Variants in AGAP1 observed in about 807,000 individuals in gnomAD.
AGAP1 encodes arf-GAP with GTPase, ANK repeat and PH domain-containing protein 1.
A neutral mutation model predicts 105.3 loss-of-function variants in AGAP1; 29 were observed. The observed-to-expected ratio is 0.28, with a 90% confidence interval of 0.21 to 0.38. The LOEUF is 0.38. Among genes scored for constraint, AGAP1 ranks in the 10% least tolerant of loss-of-function variants. AGAP1 has a pLI of 1.00. For synonymous variants in AGAP1, 509 were observed against 485.9 expected (o/e 1.05, Z -0.63); for missense variants, 998 against 1,165.1 (o/e 0.86, Z 2.09).
chr2:235,738,849 C>T lies in AGAP1; in HGVS notation c.311-2114C>T, dbSNP rs565241677. On this transcript the variant is annotated intron_variant, in intron 3 of 17. Coordinates refer to ENST00000304032, the MANE Select transcript of AGAP1 (RefSeq NM_001037131.3). ...TTGGGATTACAGGTGTGAGCCACCG[C>T]GCCCAGCCTTAAATGTTATTTTTCT... 1.7e-3 allele frequency among the ~76,000 whole-genome samples: 260 copies of T among 152,180 alleles called. 2 individuals are homozygous for T. The highest frequency in any genetic ancestry group is 4.8e-3 in the African/African-American group (201 of 41,526).
rs543148534 is a variant in AGAP1 at position 235,586,681 on chromosome 2, G to A, written c.163+91832G>A. 8.5e-5 allele frequency among the ~76,000 whole-genome samples: 13 copies of A among 152,316 alleles called. No homozygotes were observed. Among genetic ancestry groups the A allele is most frequent in the African/African-American group, 2.2e-4 (9 of 41,572 alleles). On this transcript the variant is annotated intron_variant, in intron 1 of 17. Coordinates refer to ENST00000304032, the MANE Select transcript of AGAP1 (RefSeq NM_001037131.3). This position sits in a 1 kb window ranked among gnomAD's most constrained non-coding sequence, Gnocchi z 4.2. Reference sequence around the variant, plus strand: ...TGGGTTGTCAGAGTGAGACTGTGCAGGACTGCCCCGTACAGTACGGCTTCT... The same window carrying A: ...TGGGTTGTCAGAGTGAGACTGTGCAAGACTGCCCCGTACAGTACGGCTTCT...
intron 9 of AGAP1, among the ~76,000 whole-genome samples, chr2:235,870,424 C>G (rs2049380433): frequency 1.3e-5 from 2 of 152,150 alleles, no homozygotes; most frequent in South Asian, 4.1e-4. Context: ...GTCAGGAGTT[C>G]AAGACCAGCC....
intron 9 of AGAP1, among the ~76,000 whole-genome samples, chr2:235,840,825 C>T (rs1029527494): frequency 6.7e-5 from 10 of 149,856 alleles, no homozygotes; most frequent in African/African-American, 9.8e-5. Context: ...ATTTGGGAAT[C>T]ATACAGAAAT....
Position 235,719,843 on chromosome 2 carries a change from A to T in AGAP1, c.310+2199A>T, listed in dbSNP as rs569249999. On this transcript the variant is annotated intron_variant, in intron 3 of 17. Coordinates refer to ENST00000304032, the MANE Select transcript of AGAP1 (RefSeq NM_001037131.3). The surrounding 1 kb of genome is among the most constrained non-coding windows in gnomAD (Gnocchi z 4.9). ...CTGACAGCAGCAGACACCCAGGTGC[A>T]CCCCAGTGGGTGTGTGTCTAGGGCC... Among the ~76,000 whole-genome samples the T allele has an allele frequency of 6.6e-6, 1 of 152,148 alleles. No homozygotes were observed. The highest frequency in any genetic ancestry group is 2.4e-5 in the African/African-American group (1 of 41,440).
In AGAP1 at chr2:235,960,229, G is replaced by A. The variant is rs2054124514; in HGVS notation, c.1484-8233G>A. On this transcript the variant is annotated intron_variant, in intron 12 of 17. Transcript: ENST00000304032. This position sits in a 1 kb window ranked among gnomAD's most constrained non-coding sequence, Gnocchi z 4.9. ...GGTGCTTTGCACACGTCAGTTACTC[G>A]AGTCATAGCCTCCTGAGGACGACTG... Among the ~76,000 whole-genome samples, 1 of 152,160 alleles carries A rather than the reference G, an allele frequency of 6.6e-6. No individual in the cohort carries two copies. Among genetic ancestry groups the A allele is most frequent in the African/African-American group, 2.4e-5 (1 of 41,436 alleles).
In AGAP1 at chr2:235,734,752, C is replaced by T. The variant is rs992103956; in HGVS notation, c.311-6211C>T. ...TGTTGGCCCTGTGGATGCTGCAAAA[C>T]GCAGCAAACACGGAGGCTGCCGGCT... is the stretch of plus-strand genomic sequence containing the variant. On this transcript the variant is annotated intron_variant, in intron 3 of 17. Transcript: ENST00000304032. The surrounding 1 kb of genome is among the most constrained non-coding windows in gnomAD (Gnocchi z 5.3). Among the ~76,000 whole-genome samples the T allele has an allele frequency of 4.6e-5, 7 of 152,308 alleles. No homozygotes were observed. Among genetic ancestry groups the T allele is most frequent in the Middle Eastern group, 3.4e-3 (1 of 294 alleles).
intron 16 of AGAP1, among the ~76,000 whole-genome samples, chr2:236,112,205 C>T (rs551850498): frequency 6.6e-5 from 10 of 152,258 alleles, no homozygotes; most frequent in African/African-American, 2.4e-4. Flanking sequence ...CACCTGAGGT[C>T]CATAGTTTGA....
At chr2:236,100,771 A>C (rs1328556982) in intron 16 of AGAP1, among the ~76,000 whole-genome samples, 1 of 151,858 alleles carries the variant, frequency 6.6e-6, no homozygotes, top group African/African-American at 2.4e-5. Context: ...CGGAGGCTGC[A>C]GTGAGCCGAG....
intron 13 of AGAP1, among the ~76,000 whole-genome samples, chr2:236,032,911 G>T (rs981995976): frequency 6.6e-6 from 1 of 152,210 alleles, no homozygotes; most frequent in Non-Finnish European, 1.5e-5. Context: ...ACTTTCTTCT[G>T]TCCAGTATAC....
chr2:235,886,151 G>A (rs942300664), intron 10 of AGAP1, among the ~76,000 whole-genome samples: 7 of 152,178 alleles, frequency 4.6e-5, no homozygotes, highest in Non-Finnish European at 8.8e-5. Flanking sequence ...AGCAGTGGCC[G>A]GGCTGCCCTG....
chr2:235,860,466 C>T (rs952766233), intron 9 of AGAP1, among the ~76,000 whole-genome samples: 1 of 152,130 alleles, frequency 6.6e-6, no homozygotes, highest in Non-Finnish European at 1.5e-5. Context: ...CTTCCAGTCT[C>T]ACATCACAGA....
chr2:235,530,897 G>C (rs1347505899), intron 1 of AGAP1, among the ~76,000 whole-genome samples: 1 of 152,134 alleles, frequency 6.6e-6, no homozygotes, highest in Non-Finnish European at 1.5e-5. Context: ...TCTCCTGAGG[G>C]CTGACTCTTC....
In AGAP1 at chr2:236,114,522, C is replaced by T. The variant is rs891837657; in HGVS notation, c.2115-5670C>T. Among the ~76,000 whole-genome samples, 2 of 152,186 alleles carry T rather than the reference C, an allele frequency of 1.3e-5. No homozygotes were observed. The highest frequency in any genetic ancestry group is 2.9e-5 in the Non-Finnish European group (2 of 68,036). ...TTAAGTGCGGGACATTCACGTCTCACAGTTCTGGAGGCTGGAAGTCTGGAG... is the reference window on the plus strand; with the variant it reads ...TTAAGTGCGGGACATTCACGTCTCATAGTTCTGGAGGCTGGAAGTCTGGAG... On this transcript the variant is annotated intron_variant, in intron 16 of 17. Transcript: ENST00000304032. This position sits in a 1 kb window ranked among gnomAD's most constrained non-coding sequence, Gnocchi z 5.0.
chr2:236,061,322 C>A lies in AGAP1; in HGVS notation c.2114+12041C>A, dbSNP rs548536575. On this transcript the variant is annotated intron_variant, in intron 16 of 17. Transcript: ENST00000304032. This position sits in a 1 kb window ranked among gnomAD's most constrained non-coding sequence, Gnocchi z 4.1. Reference sequence around the variant, plus strand: ...CTCGAAAAGTTAAACCTAGAGTTACCGTATGACCCAGCCATTCCTCCCCCA... The same window carrying A: ...CTCGAAAAGTTAAACCTAGAGTTACAGTATGACCCAGCCATTCCTCCCCCA... Among the ~76,000 whole-genome samples the A allele has an allele frequency of 6.6e-6, 1 of 152,212 alleles. No individual in the cohort carries two copies. The highest frequency in any genetic ancestry group is 2.1e-4 in the South Asian group (1 of 4,828).
In AGAP1 at chr2:235,989,830, C is replaced by G. The variant is rs1260650471; in HGVS notation, c.1645+21207C>G. Among the ~76,000 whole-genome samples, 1 of 152,138 alleles carries G rather than the reference C, an allele frequency of 6.6e-6. No individual in the cohort carries two copies. Among genetic ancestry groups the G allele is most frequent in the Non-Finnish European group, 1.5e-5 (1 of 68,040 alleles). On this transcript the variant is annotated intron_variant, in intron 13 of 17. Transcript: ENST00000304032. This position sits in a 1 kb window ranked among gnomAD's most constrained non-coding sequence, Gnocchi z 4.4. ...CACAGCAGCAGCTCACAGGGAGGGA[C>G]AGCCTCGGAAGAGGAAATCCATGCG... is the stretch of plus-strand genomic sequence containing the variant.
Position 235,752,319 on chromosome 2 carries a change from A to G in AGAP1, c.673+1831A>G, listed in dbSNP as rs555895911. Among the ~76,000 whole-genome samples the G allele has an allele frequency of 6.6e-6, 1 of 152,280 alleles. No homozygotes were observed. Among genetic ancestry groups the G allele is most frequent in the South Asian group, 2.1e-4 (1 of 4,822 alleles). On this transcript the variant is annotated intron_variant, in intron 6 of 17. Transcript: ENST00000304032. The surrounding 1 kb of genome is among the most constrained non-coding windows in gnomAD (Gnocchi z 4.3). Reference sequence around the variant, plus strand: ...CAGCCTCCCCAGTAGCTGGAATTACAGGTACACGCTGCCACACCTGGCTAA... The same window carrying G: ...CAGCCTCCCCAGTAGCTGGAATTACGGGTACACGCTGCCACACCTGGCTAA...
Position 235,994,122 on chromosome 2 carries a change from T to G in AGAP1, c.1645+25499T>G, listed in dbSNP as rs137936203. On this transcript the variant is annotated intron_variant, in intron 13 of 17. Coordinates refer to ENST00000304032, the MANE Select transcript of AGAP1 (RefSeq NM_001037131.3). The surrounding 1 kb of genome is among the most constrained non-coding windows in gnomAD (Gnocchi z 4.4). ...TTCCTCTAGAATATCATGCCCAGGT[T>G]AGGCACTCTTTCTGTATTCCCCAAA... 1.7e-3 allele frequency among the ~76,000 whole-genome samples: 252 copies of G among 152,250 alleles called. 1 individual carries two copies. Among genetic ancestry groups the G allele is most frequent in the African/African-American group, 5.8e-3 (241 of 41,540 alleles).
chr2:236,100,981 T>G (rs1310106071), intron 16 of AGAP1, among the ~76,000 whole-genome samples: 2 of 152,172 alleles, frequency 1.3e-5, no homozygotes, highest in African/African-American at 4.8e-5. Context: ...AGTGGCTTCA[T>G]GCAGGGCAAC....
At position 235,728,718 on chromosome 2, in the gene AGAP1, A is replaced by C. The variant is rs1322843925; in HGVS notation, c.310+11074A>C. On this transcript the variant is annotated intron_variant, in intron 3 of 17. Coordinates refer to ENST00000304032, the MANE Select transcript of AGAP1 (RefSeq NM_001037131.3). The surrounding 1 kb of genome is among the most constrained non-coding windows in gnomAD (Gnocchi z 4.3). ...AAAAATTAACACCACCATAAGCAAG[A>C]AGGAAAAAATCAACACTTGCTCTTT... 6.6e-6 allele frequency among the ~76,000 whole-genome samples: 1 copy of C among 152,184 alleles called. No individual in the cohort carries two copies. Among genetic ancestry groups the C allele is most frequent in the Non-Finnish European group, 1.5e-5 (1 of 68,038 alleles).
Sources: allele counts gnomAD v4.1 joint callset (sites outside exome capture counted in the v4.1 genomes callset), GRCh38; gene constraint gnomAD v4.1.1; non-coding constraint Gnocchi (gnomAD v3.1); transcripts MANE v1.5; gene names NCBI Gene and HGNC (gene_info 2026-07-23, HGNC 2026-07-21).